PPM1H: variants seen among roughly 807,000 people sequenced by gnomAD.
PPM1H encodes the protein protein phosphatase, Mg2+/Mn2+ dependent 1H.
PPM1H carries 27 observed loss-of-function variants against 54.9 expected under a neutral mutation model. The observed-to-expected ratio is 0.49, with a 90% CI of 0.36 to 0.68. The LOEUF is 0.68. Ranked by LOEUF, PPM1H falls within the 30% of genes least tolerant of loss-of-function variation. The pLI is 0.00. For missense variants in PPM1H, 596 were observed against 667.8 expected (o/e 0.89, Z 1.19); for synonymous variants, 305 against 270.8 (o/e 1.13, Z -1.24).
intron 4 of PPM1H, among the ~76,000 whole-genome samples, chr12:62,779,269 G>A (rs930573056): frequency 6.6e-6 from 1 of 152,000 alleles, no homozygotes; most frequent in Middle Eastern, 3.2e-3. Context: ...AGCTGGTCTC[G>A]AACTCCTGAC....
intron 8 of PPM1H, among the ~76,000 whole-genome samples, chr12:62,682,113 T>A (rs1344550603): frequency 6.6e-6 from 1 of 152,178 alleles, no homozygotes; most frequent in Non-Finnish European, 1.5e-5. Flanking sequence ...GGCCTCCAGG[T>A]TTTTTTGAGG....
At chr12:62,692,707 GAACAGT>G (rs1232003360) in intron 7 of PPM1H, among the ~76,000 whole-genome samples, 3 of 152,158 alleles carry the variant, frequency 2.0e-5, no homozygotes, top group African/African-American at 7.2e-5. Flanking sequence ...ATTTATATCA[GAACAGT>G]GCCTATTAGC....
In PPM1H at chr12:62,838,862, A is replaced by G. The variant is rs1028233352; in HGVS notation, c.246-6583T>C. The stretch of plus-strand genomic sequence containing the variant: ...CGTGAACCCGGGAGGCGGAGCTTGC[A>G]GTGAGCCGAGATCGCGCCACTGCAC... On this transcript the variant is annotated intron_variant, in intron 1 of 9. Transcript: ENST00000228705. 3.5e-5 allele frequency among the ~76,000 whole-genome samples: 4 copies of G among 115,516 alleles called. 1 individual carries two copies. The highest frequency in any genetic ancestry group is 5.0e-5 in the Non-Finnish European group (3 of 59,726). The allele number at this position is 115,516 out of a possible 152,430, so 75.8% of individuals were successfully genotyped here.
chr12:62,773,091 T>G (rs1204887748), intron 4 of PPM1H, among the ~76,000 whole-genome samples: 1 of 152,162 alleles, frequency 6.6e-6, no homozygotes, highest in African/African-American at 2.4e-5. Flanking sequence ...GAGGTGGTAG[T>G]GAGCCGAGAT....
intron 4 of PPM1H, among the ~76,000 whole-genome samples, chr12:62,761,773 G>A (rs1442228475): frequency 6.6e-6 from 1 of 152,220 alleles, no homozygotes; most frequent in Non-Finnish European, 1.5e-5. Flanking sequence ...TAAATAGGCT[G>A]CGGTAAGAGT....
intron 4 of PPM1H, among the ~76,000 whole-genome samples, chr12:62,761,141 G>A (rs544326441): frequency 4.9e-4 from 75 of 152,268 alleles, no homozygotes; most frequent in Non-Finnish European, 8.8e-4. Context: ...ATAAAAAGCC[G>A]TAATCTCAAA....
intron 1 of PPM1H, among the ~76,000 whole-genome samples, chr12:62,850,106 C>T (rs759818952): frequency 7.2e-5 from 11 of 151,958 alleles, no homozygotes; most frequent in Admixed American, 3.9e-4. Flanking sequence ...GAACTACTGA[C>T]GTGAGCCACC....
At chr12:62,828,319 C>T (rs1358114519) in intron 2 of PPM1H, among the ~76,000 whole-genome samples, 1 of 152,212 alleles carries the variant, frequency 6.6e-6, no homozygotes. Flanking sequence ...TTCCTGCAAT[C>T]CAGGCTTTAC....
intron 6 of PPM1H, among the ~76,000 whole-genome samples, chr12:62,695,207 G>C (rs1340467990): frequency 6.6e-6 from 1 of 152,162 alleles, no homozygotes; most frequent in African/African-American, 2.4e-5. Context: ...TCCTCAGAAA[G>C]TTACATGGTA....
intron 5 of PPM1H, among the ~76,000 whole-genome samples, chr12:62,725,517 T>A (rs1428353554): frequency 6.6e-6 from 1 of 152,212 alleles, no homozygotes; most frequent in African/African-American, 2.4e-5. Context: ...CACACCCACT[T>A]TATCCAATTA....
chr12:62,698,350 C>T (rs1429371904), intron 6 of PPM1H, among the ~76,000 whole-genome samples: 8 of 152,176 alleles, frequency 5.3e-5, no homozygotes, highest in African/African-American at 1.7e-4. Flanking sequence ...GACCCAAACC[C>T]GCTGGCCCAT....
At chr12:62,797,351 C>T (rs1397449115) in intron 3 of PPM1H, among the ~76,000 whole-genome samples, 2 of 152,072 alleles carry the variant, frequency 1.3e-5, no homozygotes, top group East Asian at 1.9e-4. Flanking sequence ...GAAGAGAAGG[C>T]AAGAGAGCCA....
chr12:62,908,259 T>G (rs1253593350), intron 1 of PPM1H, among the ~76,000 whole-genome samples: 2 of 151,834 alleles, frequency 1.3e-5, no homozygotes. Flanking sequence ...GTACAAAAAT[T>G]AGCTAGGCGT....
intron 1 of PPM1H, among the ~76,000 whole-genome samples, chr12:62,842,693 AC>A (rs1868800179): frequency 6.6e-6 from 1 of 152,232 alleles, no homozygotes; most frequent in African/African-American, 2.4e-5. Flanking sequence ...TTAAGCCCTA[AC>A]TTGGGAGTTA....
In PPM1H at chr12:62,803,003, C is replaced by G. The variant is rs912270457; in HGVS notation, c.412-843G>C. Among the ~76,000 whole-genome samples, 48 of 152,294 alleles carry G rather than the reference C, an allele frequency of 3.2e-4. 1 individual carries two copies. The highest frequency in any genetic ancestry group is 1.2e-3 in the African/African-American group (48 of 41,570). On this transcript the variant is annotated intron_variant, in intron 2 of 9. Transcript: ENST00000228705. ...GGGAAATAAGTAGACCCATTTTCCC[C>G]TTTTAGAGCCCTTAAATGCTGGGAT...
intron 1 of PPM1H, among the ~76,000 whole-genome samples, chr12:62,921,631 G>A (rs1444831747): frequency 6.6e-6 from 1 of 152,164 alleles, no homozygotes; most frequent in East Asian, 1.9e-4. Flanking sequence ...ATTAAAACTT[G>A]ACTCTGAAGC....
intron 4 of PPM1H, among the ~76,000 whole-genome samples, chr12:62,760,604 T>C (rs2076502984): frequency 1.3e-5 from 2 of 152,224 alleles, no homozygotes; most frequent in Admixed American, 6.5e-5. Flanking sequence ...GCTGAAGGCA[T>C]AGTCAGGGTA....
chr12:62,724,609 G>T (rs2120477755), intron 5 of PPM1H, among the ~76,000 whole-genome samples: 1 of 152,248 alleles, frequency 6.6e-6, no homozygotes, highest in Non-Finnish European at 1.5e-5. Flanking sequence ...CACACACAGA[G>T]CCTTTCATGA....
chr12:62,933,428 G>A (rs1468083076), intron 1 of PPM1H, among the ~76,000 whole-genome samples: 3 of 152,016 alleles, frequency 2.0e-5, no homozygotes, highest in Non-Finnish European at 4.4e-5. Flanking sequence ...GTTCCCGGAC[G>A]AACCAATCAA....
Sources: allele counts gnomAD v4.1 joint callset (sites outside exome capture counted in the v4.1 genomes callset), GRCh38; gene constraint gnomAD v4.1.1; transcripts MANE v1.5; gene names NCBI Gene and HGNC (gene_info 2026-07-23, HGNC 2026-07-21).